TRDMT1: variants seen among roughly 807,000 people sequenced by gnomAD.
TRDMT1 encodes tRNA aspartic acid methyltransferase 1, also known as tRNA (cytosine(38)-C(5))-methyltransferase.
TRDMT1 carries 49 observed loss-of-function variants against 51.2 expected under a neutral mutation model. The observed-to-expected ratio is 0.96, with a 90% CI of 0.76 to 1.21. The LOEUF (loss-of-function observed/expected upper bound fraction) is 1.21. TRDMT1 is among the 50% of genes most tolerant of loss of function. The pLI, the probability that TRDMT1 is intolerant of heterozygous loss-of-function variation, is 0.00. For missense variants in TRDMT1, 534 were observed against 462.3 expected (o/e 1.16, Z -1.42); for synonymous variants, 187 against 164.6 (o/e 1.14, Z -1.04).
In TRDMT1 at chr10:17,139,633, G is replaced by A. The variant is rs980975416; in HGVS notation, c.*9407C>T. Among the ~76,000 whole-genome samples the A allele has an allele frequency of 7.2e-5, 11 of 152,176 alleles. No individual in the cohort carries two copies. Among genetic ancestry groups the A allele is most frequent in the African/African-American group, 2.7e-4 (11 of 41,428 alleles). On this transcript the variant is annotated 3_prime_UTR_variant, in exon 11 of 11. Transcript: ENST00000377799. ...ATAGACGCAGAAGCAGTACACACAGGCATCTTTATCTTGTGAGAGGAAGCT... is the reference window on the plus strand; with the variant it reads ...ATAGACGCAGAAGCAGTACACACAGACATCTTTATCTTGTGAGAGGAAGCT...
rs1193247595 is a variant in TRDMT1, at chr10:17,165,681, ACAAAAAACCCCAT to A, written c.251+3147_251+3159del. Among the ~76,000 whole-genome samples, 4 of 152,378 alleles carry A rather than the reference ACAAAAAACCCCAT, an allele frequency of 2.6e-5. No individual in the cohort carries two copies. In the East Asian group the frequency reaches 7.7e-4, roughly 29 times the overall value. The stretch of plus-strand genomic sequence containing the variant: ...CTCAAAACAAATTTACAAGAAAAAA[ACAAAAAACCCCAT>A]CAAAAAGTGAGCAAAGGATATGAAC... On this transcript the variant is annotated intron_variant, in intron 3 of 10. Transcript: ENST00000377799.
chr10:17,161,552 T>C lies in TRDMT1; in HGVS notation c.324-4A>G. 3.2e-6 allele frequency: 4 copies of C among 1,242,392 alleles called. No individual in the cohort carries two copies. Among genetic ancestry groups the C allele is most frequent in the Non-Finnish European group, 3.3e-6 (3 of 914,412 alleles). The allele number at this position is 1,242,392 out of a possible 1,614,324, so 77.0% of individuals were successfully genotyped here. ...ATACTTTGGTAATTTTTGTAATCTA[T>C]AAAAAAATAAACAAATGGAATTCTA... On this transcript the variant is annotated splice_region_variant and splice_polypyrimidine_tract_variant and intron_variant, in intron 4 of 10. Coordinates refer to ENST00000377799, the MANE Select transcript of TRDMT1 (RefSeq NM_004412.7).
At chr10:17,199,290 C>T (rs377581269) in intron 1 of TRDMT1, among the ~76,000 whole-genome samples, 5 of 151,990 alleles carry the variant, frequency 3.3e-5, no homozygotes, top group African/African-American at 1.2e-4. Flanking sequence ...CAGAGAGGTA[C>T]AGGGAGGCAG....
At chr10:17,169,215 A>C in intron 2 of TRDMT1, 1 of 668,602 alleles carries the variant, frequency 1.5e-6, no homozygotes, top group South Asian at 2.2e-5. Context: ...CCTCAAGTGT[A>C]ACACTGCTGT....
chr10:17,168,097 C>A (rs1054931265), intron 3 of TRDMT1, among the ~76,000 whole-genome samples: 1 of 151,966 alleles, frequency 6.6e-6, no homozygotes, highest in Non-Finnish European at 1.5e-5. Flanking sequence ...GAGCCCAGGG[C>A]TTTTAGGCCA....
At chr10:17,168,294 C>A (rs967213185) in intron 3 of TRDMT1, among the ~76,000 whole-genome samples, 10 of 151,964 alleles carry the variant, frequency 6.6e-5, no homozygotes, top group African/African-American at 2.4e-4. Context: ...CAGAGCAAGA[C>A]CCTGTCCCAA....
intron 3 of TRDMT1, among the ~76,000 whole-genome samples, chr10:17,164,417 G>A (rs1025873512): frequency 7.2e-5 from 11 of 152,100 alleles, no homozygotes; most frequent in South Asian, 4.1e-4. Context: ...ATATCATACC[G>A]AATGGGCAAA....
intron 10 of TRDMT1, chr10:17,151,010 T>C (rs1352530756): frequency 3.1e-6 from 3 of 979,162 alleles, no homozygotes; most frequent in Non-Finnish European, 1.2e-6. Context: ...TGTGTGCATG[T>C]GTGTGTGTGT....
intron 10 of TRDMT1, chr10:17,151,247 C>T (rs1838691020): frequency 1.1e-6 from 1 of 940,800 alleles, no homozygotes. Context: ...AGTTAAAAGA[C>T]AACTTTTAAA....
chr10:17,176,103 A>G (rs1842587824), intron 1 of TRDMT1, among the ~76,000 whole-genome samples: 1 of 152,242 alleles, frequency 6.6e-6, no homozygotes, highest in Non-Finnish European at 1.5e-5. Context: ...TAAACAAAAG[A>G]AAATATTAAT....
At position 17,144,314 on chromosome 10, in the gene TRDMT1, A is replaced by G. The variant is rs376696678; in HGVS notation, c.*4726T>C. 4.1e-6 allele frequency: 4 copies of G among 985,428 alleles called. No individual in the cohort carries two copies. The highest frequency in any genetic ancestry group is 3.6e-6 in the Non-Finnish European group (3 of 829,956). The allele number at this position is 985,428 out of a possible 1,614,324, so 61.0% of individuals were successfully genotyped here. A position where few individuals can be genotyped will look rare whatever the true frequency, so the allele number is the denominator to read the frequency against. On this transcript the variant is annotated 3_prime_UTR_variant, in exon 11 of 11. Transcript: ENST00000377799. The stretch of plus-strand genomic sequence containing the variant: ...ATAGAAATCAAAATGCAAACAAAAT[A>G]CAGAGCAAATATTTGAAGTAAACAC...
chr10:17,159,748 A>G (rs1408115438), intron 6 of TRDMT1, among the ~76,000 whole-genome samples: 1 of 152,190 alleles, frequency 6.6e-6, no homozygotes, highest in Admixed American at 6.5e-5. Flanking sequence ...AGAACAATAT[A>G]ATATGGCTAA....
intron 3 of TRDMT1, among the ~76,000 whole-genome samples, chr10:17,163,610 T>C (rs377514480): frequency 7.2e-5 from 11 of 151,860 alleles, no homozygotes; most frequent in African/African-American, 2.4e-4. Context: ...ATCAACAAAA[T>C]TGATAGACCG....
rs1400919334 is a variant in TRDMT1 at position 17,144,190 on chromosome 10, C to A, written c.*4850G>T. 6 of 985,748 alleles carry A rather than the reference C, an allele frequency of 6.1e-6. No homozygotes were observed. The highest frequency in any genetic ancestry group is 6.0e-6 in the Non-Finnish European group (5 of 829,964). The allele number at this position is 985,748 out of a possible 1,614,324, so 61.1% of individuals were successfully genotyped here. ...TCTTTCTCTCTTTCACTCTCATCCT[C>A]TGACCCTCTAGGTGATCTCATCTGA... On this transcript the variant is annotated 3_prime_UTR_variant, in exon 11 of 11. Transcript: ENST00000377799.
chr10:17,192,690 A>G lies in TRDMT1; in HGVS notation c.64+8881T>C, dbSNP rs1844850386. ...CTGTTTTAAGCCAAACAGCTTCTTT[A>G]CTTCTCAAAACCTGATACATTTCAC... On this transcript the variant is annotated intron_variant, in intron 1 of 10. Transcript: ENST00000377799. Among the ~76,000 whole-genome samples, 3 of 152,204 alleles carry G rather than the reference A, an allele frequency of 2.0e-5. No homozygotes were observed. In the South Asian group the frequency reaches 6.2e-4, roughly 31 times the overall value.
chr10:17,181,667 G>C (rs1843295070), intron 1 of TRDMT1, among the ~76,000 whole-genome samples: 1 of 84,666 alleles, frequency 1.2e-5, no homozygotes, highest in Admixed American at 1.2e-4. Flanking sequence ...GTAATTGTTT[G>C]ACATTTAGGT....
intron 2 of TRDMT1, chr10:17,169,336 AATGTG>A: frequency 8.4e-7 from 1 of 1,190,212 alleles, no homozygotes; most frequent in African/African-American, 1.6e-5. Context: ...TTATTTAGCA[AATGTG>A]ATATGCAGAC....
At chr10:17,152,205 T>C (rs2131377865) in intron 10 of TRDMT1, 1 of 706,708 alleles carries the variant, frequency 1.4e-6, no homozygotes, top group East Asian at 6.8e-5. Context: ...TGTCACTCGT[T>C]TTGTGACATA....
intron 1 of TRDMT1, among the ~76,000 whole-genome samples, chr10:17,177,850 G>A (rs11254427): frequency 0.14 from 20,834 of 151,808 alleles, 1,525 homozygotes; most frequent in Admixed American, 0.17. Context: ...AGCTTTACAA[G>A]TTCACACTCT....
Sources: gnomAD v4.1 joint callset for allele counts (sites outside exome capture counted in the v4.1 genomes callset) on GRCh38, gnomAD v4.1.1 for gene constraint, MANE v1.5 for transcripts, NCBI Gene and HGNC (gene_info 2026-07-23, HGNC 2026-07-21) for gene names.